The following GLDN variants were observed in gnomAD, a reference collection of about 807,000 sequenced individuals.
The protein encoded by GLDN is collomin.
In GLDN, 47 loss-of-function variants were observed where a neutral mutation model predicts 56.5. The observed-to-expected ratio is 0.83, with a 90% CI of 0.66 to 1.06. GLDN has a LOEUF of 1.06. GLDN is among the 50% of genes least tolerant of loss of function. GLDN has a pLI of 0.00. For synonymous variants in GLDN, 332 were observed against 278.8 expected, an observed-to-expected ratio of 1.19 and a Z score of -1.90; for missense variants, 782 against 714.3, an observed-to-expected ratio of 1.09 and a Z score of -1.08.
chr15:51,402,779 C>T (rs890907460), intron 9 of GLDN, among the ~76,000 whole-genome samples: 2 of 152,182 alleles, frequency 1.3e-5, no homozygotes, highest in African/African-American at 2.4e-5. Flanking sequence ...TCAGACACAT[C>T]GGACACTGGC....
chr15:51,408,147 C>T (rs989114676), downstream of GLDN: 2 of 152,152 alleles, frequency 1.3e-5, no homozygotes, highest in Admixed American at 6.5e-5. Flanking sequence ...CTTCTGAATA[C>T]AGTACTGAAA....
At chr15:51,381,413 C>T (rs1313787331) in intron 2 of GLDN, among the ~76,000 whole-genome samples, 3 of 152,140 alleles carry the variant, frequency 2.0e-5, no homozygotes, top group Non-Finnish European at 4.4e-5. Flanking sequence ...AGTACGTGTT[C>T]GCCATCTGGT....
intron 1 of GLDN, among the ~76,000 whole-genome samples, chr15:51,372,616 A>G (rs2037539577): frequency 6.6e-6 from 1 of 151,892 alleles, no homozygotes; most frequent in South Asian, 2.1e-4. Context: ...TGCTTCACCC[A>G]CCCTCTCCCC....
At position 51,400,209 on chromosome 15, in the gene GLDN, C is replaced by T. The variant is rs755513382; in HGVS notation, c.835C>T (p.Pro279Ser). The change falls in exon 7 of 10, where the codon CCA (proline) becomes TCA (serine). Residue 279 changes from proline to serine, a missense_variant. Transcript: ENST00000335449. ...CATTTTAGGTGAGACTTGTGCCATA[C>T]CAAATGATGATACCTTGGTTGGAAA... ...GQCPGETCAI[P>S]NDDTLVGKAD... The T allele has an allele frequency of 6.2e-7, 1 of 1,614,064 alleles. No individual in the cohort carries two copies. The highest frequency in any genetic ancestry group is 8.5e-7 in the Non-Finnish European group (1 of 1,179,962).
chr15:51,383,347 T>C, intron 2 of GLDN, 89 bp from the exon 3 acceptor site: 2 of 1,361,540 alleles, frequency 1.5e-6, no homozygotes, highest in South Asian at 1.2e-5. Flanking sequence ...TTAGGGTCAG[T>C]AGATAATTAG....
At chr15:51,364,429 G>GA (rs2037362042) in intron 1 of GLDN, among the ~76,000 whole-genome samples, 1 of 152,108 alleles carries the variant, frequency 6.6e-6, no homozygotes, top group Non-Finnish European at 1.5e-5. Flanking sequence ...ACCCAGACTG[G>GA]AGTGTAATGG....
chr15:51,379,188 G>T (rs1252762441), intron 2 of GLDN, among the ~76,000 whole-genome samples: 1 of 152,128 alleles, frequency 6.6e-6, no homozygotes, highest in Non-Finnish European at 1.5e-5. Context: ...AGAGTAATTA[G>T]TTATTCTGCT....
intron 1 of GLDN, among the ~76,000 whole-genome samples, chr15:51,350,202 G>T (rs2141049651): frequency 6.6e-6 from 1 of 152,320 alleles, no homozygotes; most frequent in South Asian, 2.1e-4. Flanking sequence ...GAGCCAGGCT[G>T]CTTGCTGGCT....
intron 1 of GLDN, among the ~76,000 whole-genome samples, chr15:51,355,665 A>G (rs1243484418): frequency 1.2e-4 from 18 of 150,432 alleles, no homozygotes; most frequent in African/African-American, 3.6e-4. Context: ...CTGGGACCAC[A>G]GGCACGCACC....
rs79276205 is a variant in GLDN, at chr15:51,345,759, C to T, written c.363+3712C>T. The stretch of plus-strand genomic sequence containing the variant: ...GTCCTAGGAGGACCAGCCAGAGCAA[C>T]AAGACAAGGGAAAATGGTCTAAATA... On this transcript the variant is annotated intron_variant, in intron 1 of 9. Transcript: ENST00000335449. Among the ~76,000 whole-genome samples the T allele has an allele frequency of 6.6e-3, 1,006 of 152,186 alleles. 10 individuals are homozygous for T. The highest frequency in any genetic ancestry group is 0.023 in the African/African-American group (970 of 41,508).
chr15:51,409,449 TA>T (rs2038441472), downstream of GLDN, among the ~76,000 whole-genome samples: 1 of 152,186 alleles, frequency 6.6e-6, no homozygotes, highest in South Asian at 2.1e-4. Context: ...CTATTCACTG[TA>T]AAGGTTTTAA....
Position 51,361,867 on chromosome 15 carries a change from G to T in GLDN, c.364-15582G>T, listed in dbSNP as rs538957700. On this transcript the variant is annotated intron_variant, in intron 1 of 9. Coordinates refer to ENST00000335449, the MANE Select transcript of GLDN (RefSeq NM_181789.4). ...TTTGCTTGAACCCCAGGAGGCAGAG[G>T]TTGCAGTGAGCCAAGATCATGCCAC... Among the ~76,000 whole-genome samples the T allele has an allele frequency of 1.8e-4, 27 of 152,268 alleles. No homozygotes were observed. The South Asian group carries it at 5.6e-3, about 32-fold the overall frequency.
intron 1 of GLDN, among the ~76,000 whole-genome samples, chr15:51,351,568 C>G (rs1477996002): frequency 6.6e-6 from 1 of 152,164 alleles, no homozygotes; most frequent in Non-Finnish European, 1.5e-5. Context: ...TCTCAGATCA[C>G]AAGTCCTTCA....
At chr15:51,371,400 G>A (rs4775942) in intron 1 of GLDN, among the ~76,000 whole-genome samples, 66,305 of 152,064 alleles carry the variant, frequency 0.44, 14,891 homozygotes, top group East Asian at 0.57. Flanking sequence ...ATACTGCCAA[G>A]TTATGTCCCA....
intron 1 of GLDN, among the ~76,000 whole-genome samples, chr15:51,372,315 A>ATGGG (rs1448612448): frequency 1.3e-5 from 2 of 152,198 alleles, no homozygotes; most frequent in Non-Finnish European, 2.9e-5. Context: ...TGGAAGGGAC[A>ATGGG]CTCAAACCAT....
At chr15:51,382,431 T>A (rs906980022) in intron 2 of GLDN, among the ~76,000 whole-genome samples, 4 of 152,026 alleles carry the variant, frequency 2.6e-5, no homozygotes, top group Non-Finnish European at 5.9e-5. Context: ...AGGCTTAGAT[T>A]TATGGAAAGA....
intron 5 of GLDN, among the ~76,000 whole-genome samples, chr15:51,397,124 G>T (rs1457008293): frequency 2.0e-5 from 3 of 152,276 alleles, no homozygotes; most frequent in East Asian, 1.9e-4. Flanking sequence ...GGGCGTAGGA[G>T]GTTGGGCCAC....
intron 1 of GLDN, among the ~76,000 whole-genome samples, chr15:51,356,545 A>T (rs533428216): frequency 1.2e-4 from 19 of 152,350 alleles, no homozygotes; most frequent in African/African-American, 4.6e-4. Context: ...TCCATGTAAG[A>T]GGACTTTCCA....
chr15:51,394,969 G>A lies in GLDN; in HGVS notation c.676G>A (p.Val226Met), dbSNP rs755994761. 3.0e-5 allele frequency: 48 copies of A among 1,600,786 alleles called. No homozygotes were observed. In the South Asian group the frequency reaches 3.4e-4, roughly 11 times the overall value. ...KGDKGDVSND[V>M]LLAGAKGDQG... is the part of the protein sequence containing the mutation. ...TGACAAAGGAGATGTGTCCAACGAC[G>A]TGCTCCTGGCAGGTAAGAGGGGTAC... Residue 226 changes from valine (V) to methionine (M), a missense_variant, in exon 5 of 10, where the codon GTG becomes ATG. Transcript: ENST00000335449.
Sources: gnomAD v4.1 joint callset for allele counts (sites outside exome capture counted in the v4.1 genomes callset) on GRCh38, gnomAD v4.1.1 for gene constraint, MANE v1.5 for transcripts, NCBI Gene and HGNC (gene_info 2026-07-23, HGNC 2026-07-21) for gene names.